Variants in PIEZO2 observed in about 807,000 individuals in gnomAD.
The protein encoded by PIEZO2 is piezo-type mechanosensitive ion channel component 2.
Under a neutral mutation model 337.3 loss-of-function variants are expected in PIEZO2, and 172 were observed. The ratio of observed to expected loss-of-function variants is 0.51; its 90% CI spans 0.45 to 0.58. The LOEUF is 0.58. Ranked by LOEUF, PIEZO2 falls within the 20% of genes least tolerant of loss-of-function variation. PIEZO2 has a pLI of 0.00. For synonymous variants in PIEZO2, 1,251 were observed against 1,228.5 expected (o/e 1.02, Z -0.38); for missense variants, 3,028 against 3,391.3 (o/e 0.89, Z 2.66).
rs1486981471 is a variant in PIEZO2, at chr18:11,009,487, G to T, written c.161-29827C>A. Among the ~76,000 whole-genome samples, 1 of 152,208 alleles carries T rather than the reference G, an allele frequency of 6.6e-6. No individual in the cohort carries two copies. The highest frequency in any genetic ancestry group is 2.4e-5 in the African/African-American group (1 of 41,456). On this transcript the variant is annotated intron_variant, in intron 2 of 55. Coordinates refer to ENST00000674853, the MANE Select transcript of PIEZO2 (RefSeq NM_001378183.1). This position sits in a 1 kb window ranked among gnomAD's most constrained non-coding sequence, Gnocchi z 4.6. ...GAGGTTGAGCCCAGCTCAGCTCATG[G>T]ACTGGTTGAGGCGCGTGTGAGAGCA... is the stretch of plus-strand genomic sequence containing the variant.
chr18:11,117,936 A>G (rs1405196501), intron 1 of PIEZO2, among the ~76,000 whole-genome samples: 2 of 152,184 alleles, frequency 1.3e-5, no homozygotes, highest in Non-Finnish European at 2.9e-5. Context: ...GGGTCCTAAG[A>G]TCAGCATATT....
Position 10,742,594 on chromosome 18 carries a change from C to A in PIEZO2, c.4536G>T (p.Arg1512Ser). 2.6e-6 allele frequency: 4 copies of A among 1,537,108 alleles called. No homozygotes were observed. The highest frequency in any genetic ancestry group is 3.5e-6 in the Non-Finnish European group (4 of 1,146,872). Residue 1512 changes from arginine to serine, a missense_variant, in exon 32 of 56, where the codon AGG becomes AGT. Physicochemically the swap from Arg to Ser is moderately radical, Grantham distance 110 (BLOSUM62 -1). Around this residue, in one of 5 missense-constraint regions of PIEZO2, gnomAD observed 1,925 missense variants for 2,051.9 expected, o/e 0.94. Coordinates refer to ENST00000674853, the MANE Select transcript of PIEZO2 (RefSeq NM_001378183.1). ...LKRQMDRIKA[R>S]QQKYKKGKER... ...CCTTACCCTTTTTATATTTCTGTTG[C>A]CTGGCCTTGATGCGATCCATCCTAT...
rs1406433209 is a variant in PIEZO2 at position 10,929,463 on chromosome 18, A to T, written c.287-18235T>A. 6.6e-6 allele frequency among the ~76,000 whole-genome samples: 1 copy of T among 152,224 alleles called. No homozygotes were observed. The highest frequency in any genetic ancestry group is 1.5e-5 in the Non-Finnish European group (1 of 68,052). ...AAGTAAGATTGGAATGTTTGAACAA[A>T]ATGCTTTTGCCAGTTGCTTGCTGTA... On this transcript the variant is annotated intron_variant, in intron 3 of 55. Coordinates refer to ENST00000674853, the MANE Select transcript of PIEZO2 (RefSeq NM_001378183.1). The surrounding 1 kb of genome is among the most constrained non-coding windows in gnomAD (Gnocchi z 5.6).
chr18:11,145,162 T>C (rs1476769176), intron 1 of PIEZO2, among the ~76,000 whole-genome samples: 6 of 152,224 alleles, frequency 3.9e-5, no homozygotes, highest in South Asian at 4.1e-4. Flanking sequence ...TAGTCACAGA[T>C]AATTTGGGAG....
chr18:11,137,026 G>T (rs546743902), intron 1 of PIEZO2, among the ~76,000 whole-genome samples: 1 of 152,258 alleles, frequency 6.6e-6, no homozygotes, highest in South Asian at 2.1e-4. Context: ...CTTTATTTCT[G>T]CAGATACAGA....
At chr18:10,882,216 G>A (rs745837715) in intron 4 of PIEZO2, among the ~76,000 whole-genome samples, 6 of 152,034 alleles carry the variant, frequency 3.9e-5, no homozygotes, top group East Asian at 1.9e-4. Flanking sequence ...CAGGACTATC[G>A]CCAGGAGAAG....
intron 4 of PIEZO2, among the ~76,000 whole-genome samples, chr18:10,885,618 T>G (rs1358800127): frequency 1.3e-5 from 2 of 152,124 alleles, no homozygotes; most frequent in African/African-American, 2.4e-5. Flanking sequence ...GAGGGAGGTT[T>G]GAAAGGTACC....
In PIEZO2 at chr18:10,982,455, A is replaced by G. The variant is rs935445712; in HGVS notation, c.161-2795T>C. The stretch of plus-strand genomic sequence containing the variant: ...TGAATGAGGTGACTCAATATGATAA[A>G]AATGTCAATTTCCCCAAAATTTAGT... On this transcript the variant is annotated intron_variant, in intron 2 of 55. Coordinates refer to ENST00000674853, the MANE Select transcript of PIEZO2 (RefSeq NM_001378183.1). The surrounding 1 kb of genome is among the most constrained non-coding windows in gnomAD (Gnocchi z 4.1). Among the ~76,000 whole-genome samples the G allele has an allele frequency of 6.6e-6, 1 of 152,360 alleles. No individual in the cohort carries two copies. Among genetic ancestry groups the G allele is most frequent in the Admixed American group, 6.5e-5 (1 of 15,298 alleles).
At position 10,797,405 on chromosome 18, in the gene PIEZO2, T is replaced by C; in HGVS notation, c.1496A>G (p.Gln499Arg). 3 of 1,537,144 alleles carry C rather than the reference T, an allele frequency of 2.0e-6. No individual in the cohort carries two copies. Among genetic ancestry groups the C allele is most frequent in the East Asian group, 4.9e-5 (2 of 40,882 alleles). The change falls in exon 12 of 56, where the codon CAA becomes CGA. Residue 499 changes from glutamine (Q) to arginine (R), a missense_variant. By Grantham distance (43) the Gln-to-Arg change is conservative. Around this residue, in one of 5 missense-constraint regions of PIEZO2, gnomAD observed 542 missense variants for 605.6 expected, o/e 0.89. Coordinates refer to ENST00000674853, the MANE Select transcript of PIEZO2 (RefSeq NM_001378183.1). ...MVSVFQFIMKQSYICALIAMM... is the reference protein window; with the variant it reads ...MVSVFQFIMKRSYICALIAMM... ...AGCTATGAGGGCACAGATGTAACTT[T>C]GTTTCATAATAAATTGGAATACGGA...
chr18:10,672,667 T>C lies in PIEZO2; in HGVS notation c.8345+23A>G. 1 of 1,602,112 alleles carries C rather than the reference T, an allele frequency of 6.2e-7. No homozygotes were observed. The highest frequency in any genetic ancestry group is 8.5e-7 in the Non-Finnish European group (1 of 1,176,710). ...ATACAGAAGTAGACTCTTGTAACTG[T>C]GAATTGTTCAATGAGTCCTTACCCA... On this transcript the variant is annotated intron_variant, in intron 55 of 55. Coordinates refer to ENST00000674853, the MANE Select transcript of PIEZO2 (RefSeq NM_001378183.1). The surrounding 1 kb of genome is among the most constrained non-coding windows in gnomAD (Gnocchi z 4.7).
chr18:10,962,274 C>T lies in PIEZO2; in HGVS notation c.286+17261G>A, dbSNP rs146337157. On this transcript the variant is annotated intron_variant, in intron 3 of 55. Transcript: ENST00000674853. This position sits in a 1 kb window ranked among gnomAD's most constrained non-coding sequence, Gnocchi z 4.1. ...GGTTAAATACGCAATCGTAGCCCTT[C>T]TCCCATCCATTCTGCATCTCCCCTC... 1.3e-5 allele frequency among the ~76,000 whole-genome samples: 2 copies of T among 152,332 alleles called. No individual in the cohort carries two copies. The highest frequency in any genetic ancestry group is 4.8e-5 in the African/African-American group (2 of 41,578).
In PIEZO2 at chr18:11,127,564, A is replaced by T. The variant is rs2040215518; in HGVS notation, c.64+20961T>A. On this transcript the variant is annotated intron_variant, in intron 1 of 55. Coordinates refer to ENST00000674853, the MANE Select transcript of PIEZO2 (RefSeq NM_001378183.1). The surrounding 1 kb of genome is among the most constrained non-coding windows in gnomAD (Gnocchi z 4.5). ...TGTGCTGAATGCTTCCTGCCCTCGAACATCAGGCTCCAAGTTCTTCAGTTT... is the reference window on the plus strand; with the variant it reads ...TGTGCTGAATGCTTCCTGCCCTCGATCATCAGGCTCCAAGTTCTTCAGTTT... Among the ~76,000 whole-genome samples the T allele has an allele frequency of 6.6e-6, 1 of 152,066 alleles. No homozygotes were observed. The highest frequency in any genetic ancestry group is 2.4e-5 in the African/African-American group (1 of 41,390).
At chr18:11,040,288 T>C (rs1164792577) in intron 2 of PIEZO2, among the ~76,000 whole-genome samples, 3 of 152,196 alleles carry the variant, frequency 2.0e-5, no homozygotes, top group African/African-American at 7.2e-5. Flanking sequence ...TGTTTCTAAA[T>C]ATAACCTCAG....
At chr18:10,731,261 A>T in intron 36 of PIEZO2, 146 bp downstream of exon 36, 1 of 375,310 alleles carries the variant, frequency 2.7e-6, no homozygotes, top group East Asian at 4.0e-5. Context: ...GTCAGAAATG[A>T]CCAATTAGGA....
chr18:10,679,439 T>C (rs1015984911), intron 52 of PIEZO2, among the ~76,000 whole-genome samples: 33 of 152,346 alleles, frequency 2.2e-4, no homozygotes, highest in African/African-American at 7.9e-4. Flanking sequence ...TTTATTTGGA[T>C]TTCAGTTTTT....
At chr18:10,984,142 A>G (rs1041965710) in intron 2 of PIEZO2, among the ~76,000 whole-genome samples, 2 of 152,148 alleles carry the variant, frequency 1.3e-5, no homozygotes, top group African/African-American at 2.4e-5. Context: ...AAAATTCAAG[A>G]GAATGAATAA....
At chr18:10,814,189 T>C (rs1382857731) in intron 7 of PIEZO2, among the ~76,000 whole-genome samples, 1 of 152,054 alleles carries the variant, frequency 6.6e-6, no homozygotes, top group East Asian at 1.9e-4. Context: ...CAGGATGGTC[T>C]TGATCTCCTG....
intron 1 of PIEZO2, among the ~76,000 whole-genome samples, chr18:11,074,597 C>G (rs2038464614): frequency 6.6e-6 from 1 of 152,146 alleles, no homozygotes; most frequent in African/African-American, 2.4e-5. Context: ...TTGGACTTGC[C>G]TCATTCATGA....
At chr18:10,947,157 A>C (rs1377525472) in intron 3 of PIEZO2, among the ~76,000 whole-genome samples, 1 of 152,186 alleles carries the variant, frequency 6.6e-6, no homozygotes, top group African/African-American at 2.4e-5. Context: ...TGAAGGGAAA[A>C]AAATCTGTAG....
Sources: gnomAD v4.1 joint callset for allele counts (sites outside exome capture counted in the v4.1 genomes callset) on GRCh38, gnomAD v4.1.1 for gene constraint, gnomAD v4.1.1 regional missense constraint, Gnocchi (gnomAD v3.1) non-coding constraint, MANE v1.5 for transcripts, NCBI Gene and HGNC (gene_info 2026-07-23, HGNC 2026-07-21) for gene names.